The following ITPRID2 variants were observed in gnomAD, a reference collection of about 807,000 sequenced individuals.
The protein encoded by ITPRID2 is ITPR interacting domain containing 2.
Under a neutral mutation model 124.3 loss-of-function variants are expected in ITPRID2, and 60 were observed. The observed-to-expected ratio is 0.48, with a 90% confidence interval of 0.39 to 0.60. The LOEUF (loss-of-function observed/expected upper bound fraction) is 0.60. ITPRID2 is among the 20% of genes least tolerant of loss of function. ITPRID2 has a pLI of 0.00. For missense variants in ITPRID2, 1,553 were observed against 1,512.2 expected (o/e 1.03, Z -0.45); for synonymous variants, 521 against 542.9 (o/e 0.96, Z 0.56).
chr2:181,922,986 T>A lies in ITPRID2; in HGVS notation c.3675+574T>A, dbSNP rs1694592045. ...GGAGAAAATGATTTTGTGATTTTAA[T>A]AAGTATAAATAGATTGATTTGGTTT... On this transcript the variant is annotated intron_variant, in intron 16 of 17. Coordinates refer to ENST00000431877, the MANE Select transcript of ITPRID2 (RefSeq NM_001130445.3). Among the ~76,000 whole-genome samples, 2 of 152,180 alleles carry A rather than the reference T, an allele frequency of 1.3e-5. 1 individual carries two copies. The highest frequency in any genetic ancestry group is 4.1e-4 in the South Asian group (2 of 4,834).
chr2:181,919,095 G>A lies in ITPRID2; in HGVS notation c.2994-201G>A, dbSNP rs749695062. The stretch of plus-strand genomic sequence containing the variant: ...AAGGGTAGTGGTAACCTGCTTTCCC[G>A]TGTTTGAGATATTTGTGAGAGGATA... On this transcript the variant is annotated intron_variant, in intron 13 of 17. Transcript: ENST00000431877. The surrounding 1 kb of genome is among the most constrained non-coding windows in gnomAD (Gnocchi z 4.2). Among the ~76,000 whole-genome samples the A allele has an allele frequency of 1.3e-5, 2 of 152,138 alleles. No homozygotes were observed. Among genetic ancestry groups the A allele is most frequent in the Admixed American group, 6.5e-5 (1 of 15,270 alleles).
rs561864131 is a variant in ITPRID2 at position 181,902,144 on chromosome 2, C to T, written c.1091C>T (p.Ser364Phe). 10 of 1,613,590 alleles carry T rather than the reference C, an allele frequency of 6.2e-6. No homozygotes were observed. The African/African-American group carries it at 1.3e-4, about 22-fold the overall frequency. Residue 364 changes from serine to phenylalanine, a missense_variant, in exon 8 of 18, where the codon TCT becomes TTT. By Grantham distance (155) the Ser-to-Phe change is radical. Coordinates refer to ENST00000431877, the MANE Select transcript of ITPRID2 (RefSeq NM_001130445.3). The surrounding 1 kb of genome is among the most constrained non-coding windows in gnomAD (Gnocchi z 4.4). ...SMLATVKEEVSGSSAAVTENA... is the reference protein window; with the variant it reads ...SMLATVKEEVFGSSAAVTENA... ...TTGGCTACAGTTAAAGAAGAAGTCT[C>T]TGGTAGTTCAGCAGCTGTTACGGAG...
In ITPRID2 at chr2:181,907,450, T is replaced by G. The variant is rs560451897; in HGVS notation, c.1414-2449T>G. On this transcript the variant is annotated intron_variant, in intron 8 of 17. Coordinates refer to ENST00000431877, the MANE Select transcript of ITPRID2 (RefSeq NM_001130445.3). The surrounding 1 kb of genome is among the most constrained non-coding windows in gnomAD (Gnocchi z 5.1). ...TTTTATCACTTTGGTTTAGTGGTTTTTTTTTTTTTTTATATTATGAAACAG... is the reference window on the plus strand; with the variant it reads ...TTTTATCACTTTGGTTTAGTGGTTTGTTTTTTTTTTTATATTATGAAACAG... 1.8e-3 allele frequency among the ~76,000 whole-genome samples: 267 copies of G among 151,794 alleles called. 2 individuals carry two copies. In the South Asian group the frequency reaches 0.026, roughly 15 times the overall value.
At chr2:181,908,270 T>A (rs957528999) in intron 8 of ITPRID2, among the ~76,000 whole-genome samples, 6 of 151,786 alleles carry the variant, frequency 4.0e-5, no homozygotes, top group Admixed American at 6.6e-5. Context: ...AGATTAAATT[T>A]AAAAAAAACA....
chr2:181,930,362 G>A lies in ITPRID2; in HGVS notation c.*815G>A, dbSNP rs1473487101. 1 of 152,388 alleles carries A rather than the reference G, an allele frequency of 6.6e-6. No individual in the cohort carries two copies. Among genetic ancestry groups the A allele is most frequent in the Non-Finnish European group, 1.5e-5 (1 of 67,950 alleles). The allele number at this position is 152,388 out of a possible 1,614,324, so 9.4% of individuals were successfully genotyped here. The stretch of plus-strand genomic sequence containing the variant: ...TGAATGAATAGAAATGAATAAGCTG[G>A]TGTTTGTTTTTTCAAAATGGAAGTA... On this transcript the variant is annotated 3_prime_UTR_variant, in exon 18 of 18. Transcript: ENST00000431877.
At chr2:181,927,615 T>C (rs1263465855) in intron 16 of ITPRID2, among the ~76,000 whole-genome samples, 1 of 152,244 alleles carries the variant, frequency 6.6e-6, no homozygotes, top group Non-Finnish European at 1.5e-5. Context: ...AGGATGTTTT[T>C]TATATTATAA....
chr2:181,904,248 A>G (rs1161460326), intron 8 of ITPRID2, among the ~76,000 whole-genome samples: 1 of 151,338 alleles, frequency 6.6e-6, no homozygotes, highest in Non-Finnish European at 1.5e-5. Flanking sequence ...AAAAAAGGTT[A>G]ATGAAGAAAG....
intron 17 of ITPRID2, among the ~76,000 whole-genome samples, chr2:181,928,677 G>C (rs1695043472): frequency 6.6e-6 from 1 of 151,344 alleles, no homozygotes; most frequent in Non-Finnish European, 1.5e-5. Context: ...CCAGGCTGGA[G>C]TGCAGTGGCG....
intron 11 of ITPRID2, chr2:181,916,970 A>G (rs1694110783): frequency 1.0e-6 from 1 of 986,652 alleles, no homozygotes. Context: ...GGACTCAAAG[A>G]CTGGAACTAC....
Position 181,899,050 on chromosome 2 carries a change from T to G in ITPRID2, c.441T>G (p.Phe147Leu), listed in dbSNP as rs1215767959. The G allele has an allele frequency of 1.2e-6, 2 of 1,612,026 alleles. No homozygotes were observed. The highest frequency in any genetic ancestry group is 1.3e-5 in the African/African-American group (1 of 74,856). ...NILAKERRLQ[F>L]HQKGRSMNST... Reference sequence around the variant, plus strand: ...TGGCCAAAGAGAGAAGATTACAGTTTCATCAGAAAGGGAGAAGTATGAATT... The same window carrying G: ...TGGCCAAAGAGAGAAGATTACAGTTGCATCAGAAAGGGAGAAGTATGAATT... The change falls in exon 6 of 18, where the codon TTT (phenylalanine) becomes TTG (leucine). Residue 147 changes from phenylalanine (F) to leucine (L), a missense_variant. Phe to Leu is a conservative substitution (Grantham distance 22). Transcript: ENST00000431877.
rs1284884714 is a variant in ITPRID2, at chr2:181,929,685, T to C, written c.*138T>C. On this transcript the variant is annotated 3_prime_UTR_variant, in exon 18 of 18. Coordinates refer to ENST00000431877, the MANE Select transcript of ITPRID2 (RefSeq NM_001130445.3). ...GGGCTACTGTATACAGTGTACAATGTGTATTTCTTCAACCATATATTTTAA... is the reference window on the plus strand; with the variant it reads ...GGGCTACTGTATACAGTGTACAATGCGTATTTCTTCAACCATATATTTTAA... 2 of 1,456,526 alleles carry C rather than the reference T, an allele frequency of 1.4e-6. No homozygotes were observed. Among genetic ancestry groups the C allele is most frequent in the South Asian group, 2.6e-5 (2 of 76,460 alleles). The allele number at this position is 1,456,526 out of a possible 1,614,324, so 90.2% of individuals were successfully genotyped here. A position where few individuals can be genotyped will look rare whatever the true frequency, so the allele number is the denominator to read the frequency against.
chr2:181,901,788 G>A lies in ITPRID2; in HGVS notation c.735G>A (p.Val245=), dbSNP rs1398110651. 6.2e-7 allele frequency: 1 copy of A among 1,610,782 alleles called. No individual in the cohort carries two copies. Among genetic ancestry groups the A allele is most frequent in the Middle Eastern group, 1.7e-4 (1 of 6,052 alleles). Residue 245 remains valine (V), a synonymous_variant, in exon 8 of 18, where the codon GTG becomes GTA. Transcript: ENST00000431877. ...ALTSRFRQIE[V]LTTVANAFSS... is the part of the protein sequence containing the mutation. ...TAGGCCGTTTTCGTCAAATTGAAGT[G>A]CTTACTACTGTGGCCAATGCGTTTT...
intron 4 of ITPRID2, 46 bp downstream of exon 4, chr2:181,897,010 TA>T (rs747163713): frequency 1.9e-5 from 29 of 1,530,140 alleles, no homozygotes; most frequent in South Asian, 4.5e-5. Context: ...TTTTCAAATT[TA>T]AAAAAAATGA....
rs1692999857 is a variant in ITPRID2 at position 181,905,082 on chromosome 2, C to T, written c.1413+2616C>T. 7.0e-6 allele frequency among the ~76,000 whole-genome samples: 1 copy of T among 142,820 alleles called. No homozygotes were observed. The highest frequency in any genetic ancestry group is 1.5e-5 in the Non-Finnish European group (1 of 66,788). 93.7% of individuals were successfully genotyped at this position (142,820 alleles called of 152,430 possible). Reference sequence around the variant, plus strand: ...TTTTTTTTTTTTTTTGAGACGGAGTCGCGCATTGTCACCCGGGAGTGCAGT... The same window carrying T: ...TTTTTTTTTTTTTTTGAGACGGAGTTGCGCATTGTCACCCGGGAGTGCAGT... On this transcript the variant is annotated intron_variant, in intron 8 of 17. Transcript: ENST00000431877. This position sits in a 1 kb window ranked among gnomAD's most constrained non-coding sequence, Gnocchi z 4.1.
chr2:181,916,336 G>A lies in ITPRID2; in HGVS notation c.2696G>A (p.Arg899Gln), dbSNP rs759709689. ...YSHRHATYPY[R>Q]VCSVNPPSAI... ...CATAGACATGCCACCTACCCTTACC[G>A]AGTGTGCTCTGTGAATCCTCCTTCA... The change falls in exon 11 of 18, where the codon CGA becomes CAA. Residue 899 changes from arginine to glutamine, a missense_variant. By Grantham distance (43) the Arg-to-Gln change is conservative (BLOSUM62 1). Transcript: ENST00000431877. 2.6e-5 allele frequency: 42 copies of A among 1,614,038 alleles called. No individual in the cohort carries two copies. Among genetic ancestry groups the A allele is most frequent in the Non-Finnish European group, 3.3e-5 (39 of 1,180,044 alleles).
intron 8 of ITPRID2, among the ~76,000 whole-genome samples, chr2:181,903,752 CTCA>C (rs1158708577): frequency 6.6e-6 from 1 of 151,774 alleles, no homozygotes; most frequent in Non-Finnish European, 1.5e-5. Flanking sequence ...TAATTTATTT[CTCA>C]TCGTAATGAG....
At chr2:181,906,272 T>G (rs1339737959) in intron 8 of ITPRID2, among the ~76,000 whole-genome samples, 1 of 152,158 alleles carries the variant, frequency 6.6e-6, no homozygotes, top group Non-Finnish European at 1.5e-5. Flanking sequence ...CCTTTTGATA[T>G]CAGTGCTTCA....
Position 181,892,385 on chromosome 2 carries a change from C to T in ITPRID2, c.211+108C>T. The T allele has an allele frequency of 7.6e-7, 1 of 1,324,030 alleles. No homozygotes were observed. Among genetic ancestry groups the T allele is most frequent in the Non-Finnish European group, 1.0e-6 (1 of 980,736 alleles). 82.0% of individuals were successfully genotyped at this position (1,324,030 alleles called of 1,614,324 possible). On this transcript the variant is annotated intron_variant, in intron 1 of 17. Transcript: ENST00000431877. The surrounding 1 kb of genome is among the most constrained non-coding windows in gnomAD (Gnocchi z 5.2). The stretch of plus-strand genomic sequence containing the variant: ...TGGGAGAGCCTCGGGCACGGTAGGC[C>T]GAGGGGAGAGGGGACACTTCCGACC...
rs981915491 is a variant in ITPRID2 at position 181,925,812 on chromosome 2, A to G, written c.3676-2349A>G. The stretch of plus-strand genomic sequence containing the variant: ...CCCTCTTATTTGAGACCGTCTTGCT[A>G]CAGAGTTTTCTATCTCCACTGTCAT... On this transcript the variant is annotated intron_variant, in intron 16 of 17. Transcript: ENST00000431877. Among the ~76,000 whole-genome samples, 14 of 151,718 alleles carry G rather than the reference A, an allele frequency of 9.2e-5. No homozygotes were observed. The South Asian group carries it at 1.5e-3, about 16-fold the overall frequency.
Sources: allele counts gnomAD v4.1 joint callset (sites outside exome capture counted in the v4.1 genomes callset), GRCh38; gene constraint gnomAD v4.1.1; non-coding constraint Gnocchi (gnomAD v3.1); transcripts MANE v1.5; gene names NCBI Gene and HGNC (gene_info 2026-07-23, HGNC 2026-07-21).